Variants in LMX1A observed in about 807,000 individuals in gnomAD.
LMX1A encodes LIM homeobox transcription factor 1-alpha.
A neutral mutation model predicts 49.1 loss-of-function variants in LMX1A; 15 were observed. The ratio of observed to expected loss-of-function variants is 0.31; its 90% CI spans 0.20 to 0.47. LMX1A has a LOEUF of 0.47. Ranked by LOEUF, LMX1A falls within the 20% of genes least tolerant of loss-of-function variation. The pLI is 1.00. For missense variants in LMX1A, 372 were observed against 475.8 expected (o/e 0.78, Z 2.03); for synonymous variants, 167 against 185.7 (o/e 0.90, Z 0.82).
intron 4 of LMX1A, among the ~76,000 whole-genome samples, chr1:165,214,402 C>T (rs551273736): frequency 3.9e-5 from 6 of 152,290 alleles, no homozygotes; most frequent in South Asian, 2.1e-4. Context: ...ACCCAGTCTC[C>T]GGTATGTCTT....
At position 165,355,382 on chromosome 1, in the gene LMX1A, G is replaced by T; in HGVS notation, c.76+102C>A. The T allele has an allele frequency of 1.8e-6, 2 of 1,105,002 alleles. No homozygotes were observed. Among genetic ancestry groups the T allele is most frequent in the Admixed American group, 2.0e-5 (1 of 50,950 alleles). The allele number at this position is 1,105,002 out of a possible 1,614,324, so 68.4% of individuals were successfully genotyped here. ...CTCAATTTAGTGTATGAAGAGGGGC[G>T]CTAGCTTCCCTATCGCGGACCAGGT... On this transcript the variant is annotated intron_variant, in intron 2 of 8. Transcript: ENST00000342310. The surrounding 1 kb of genome is among the most constrained non-coding windows in gnomAD (Gnocchi z 4.7).
At chr1:165,274,139 C>T (rs1413617471) in intron 3 of LMX1A, among the ~76,000 whole-genome samples, 2 of 152,162 alleles carry the variant, frequency 1.3e-5, no homozygotes, top group East Asian at 3.9e-4. Context: ...GGACAGTGCA[C>T]ACCTGCCTGG....
rs149654254 is a variant in LMX1A at position 165,263,635 on chromosome 1, T to C, written c.264-13995A>G. Among the ~76,000 whole-genome samples the C allele has an allele frequency of 7.4e-3, 1,133 of 152,372 alleles. 6 individuals carry two copies. The highest frequency in any genetic ancestry group is 0.017 in the Middle Eastern group (5 of 294). On this transcript the variant is annotated intron_variant, in intron 3 of 8. Transcript: ENST00000342310. ...ACTTGCTTCCTCTTGTCACCTGCTA[T>C]GCTGATCTTGAGCACAACACTCAGG...
chr1:165,295,333 T>A (rs1323527308), intron 3 of LMX1A, among the ~76,000 whole-genome samples: 1 of 151,532 alleles, frequency 6.6e-6, no homozygotes, highest in Non-Finnish European at 1.5e-5. Context: ...AGTAAGATGA[T>A]GGGTAATTTT....
chr1:165,343,486 T>C (rs985969818), intron 3 of LMX1A, among the ~76,000 whole-genome samples: 2 of 152,128 alleles, frequency 1.3e-5, no homozygotes, highest in African/African-American at 4.8e-5. Context: ...TTCAGGTTAA[T>C]TATCTTCTTT....
At chr1:165,212,052 G>C (rs1306026327) in intron 5 of LMX1A, among the ~76,000 whole-genome samples, 1 of 152,218 alleles carries the variant, frequency 6.6e-6, no homozygotes, top group Non-Finnish European at 1.5e-5. Flanking sequence ...AGCCCAATTT[G>C]GGGGCATTTT....
chr1:165,261,312 T>C (rs73029262), intron 3 of LMX1A, among the ~76,000 whole-genome samples: 3,651 of 152,228 alleles, frequency 0.024, 140 homozygotes, highest in African/African-American at 0.084. Context: ...ATCCTTCCAT[T>C]TCAACTCTCC....
intron 4 of LMX1A, among the ~76,000 whole-genome samples, chr1:165,227,073 G>GGGCA (rs1473965600): frequency 5.9e-5 from 9 of 152,164 alleles, no homozygotes; most frequent in Non-Finnish European, 1.3e-4. Flanking sequence ...CAGGGGATCA[G>GGGCA]GGCAGGCTTC....
intron 4 of LMX1A, among the ~76,000 whole-genome samples, chr1:165,244,319 T>C (rs976828936): frequency 6.6e-6 from 1 of 152,196 alleles, no homozygotes; most frequent in Non-Finnish European, 1.5e-5. Flanking sequence ...CTAGAAAATT[T>C]AGTCAACCTG....
chr1:165,265,073 G>A (rs1032097062), intron 3 of LMX1A, among the ~76,000 whole-genome samples: 9 of 151,892 alleles, frequency 5.9e-5, no homozygotes, highest in South Asian at 4.2e-4. Context: ...GCATGGTGGC[G>A]GGCACCTGTA....
chr1:165,345,649 G>A (rs1656219668), intron 3 of LMX1A, among the ~76,000 whole-genome samples: 1 of 152,204 alleles, frequency 6.6e-6, no homozygotes, highest in Non-Finnish European at 1.5e-5. Flanking sequence ...GTGAGGTTAT[G>A]CATACCTGAG....
At chr1:165,234,635 A>T (rs1369134352) in intron 4 of LMX1A, among the ~76,000 whole-genome samples, 1 of 152,206 alleles carries the variant, frequency 6.6e-6, no homozygotes, top group African/African-American at 2.4e-5. Context: ...AGTTAACATC[A>T]ATCAGAGAGT....
rs115345094 is a variant in LMX1A at position 165,315,025 on chromosome 1, C to T, written c.263+38051G>A. 2.4e-3 allele frequency among the ~76,000 whole-genome samples: 368 copies of T among 152,262 alleles called. 4 individuals carry two copies. Among genetic ancestry groups the T allele is most frequent in the African/African-American group, 8.2e-3 (341 of 41,546 alleles). On this transcript the variant is annotated intron_variant, in intron 3 of 8. Transcript: ENST00000342310. ...CCAGACCCTAGGTTAGGTGACTGAT[C>T]AGATACCTATACAAGACAGGACAGT... is the stretch of plus-strand genomic sequence containing the variant.
rs1467916119 is a variant in LMX1A, at chr1:165,213,709, T to C, written c.601A>G (p.Ile201Val). The C allele has an allele frequency of 1.2e-6, 2 of 1,614,138 alleles. No individual in the cohort carries two copies. The highest frequency in any genetic ancestry group is 1.7e-6 in the Non-Finnish European group (2 of 1,180,054). The change falls in exon 5 of 9, where the codon ATC becomes GTC. Residue 201 changes from isoleucine (I) to valine (V), a missense_variant. Ile to Val is a conservative substitution (Grantham distance 29). Around this residue, in one of 3 missense-constraint regions of LMX1A, gnomAD observed 46 missense variants for 93.8 expected, o/e 0.49. Coordinates refer to ENST00000342310, the MANE Select transcript of LMX1A (RefSeq NM_177398.4). The part of the protein sequence containing the change: ...DHKRPKRPRT[I>V]LTTQQRRAFK... ...GCTCGCCTCTGTTGAGTTGTCAAGA[T>C]GGTTCTCGGACGTTTGGGGCGCTTA...
chr1:165,280,410 C>A (rs1347129274), intron 3 of LMX1A, among the ~76,000 whole-genome samples: 1 of 152,126 alleles, frequency 6.6e-6, no homozygotes, highest in Non-Finnish European at 1.5e-5. Flanking sequence ...CTGAAGCCAG[C>A]CTCTTCAGTG....
rs145758920 is a variant in LMX1A at position 165,277,837 on chromosome 1, A to G, written c.264-28197T>C. On this transcript the variant is annotated intron_variant, in intron 3 of 8. Coordinates refer to ENST00000342310, the MANE Select transcript of LMX1A (RefSeq NM_177398.4). ...AGCTTCTTTCATTTTGCTGGGTCAC[A>G]TAAATGAAGAAATAAAGTGGAGTTC... Among the ~76,000 whole-genome samples, 77 of 152,382 alleles carry G rather than the reference A, an allele frequency of 5.1e-4. No individual in the cohort carries two copies. The East Asian group carries it at 0.014, about 28-fold the overall frequency.
At chr1:165,327,723 G>A (rs1655629825) in intron 3 of LMX1A, among the ~76,000 whole-genome samples, 1 of 152,202 alleles carries the variant, frequency 6.6e-6, no homozygotes, top group Non-Finnish European at 1.5e-5. Context: ...ACACCACCCA[G>A]GCACAAAGGG....
chr1:165,355,713 A>C lies in LMX1A; in HGVS notation c.-22-132T>G. 3.0e-6 allele frequency: 2 copies of C among 664,550 alleles called. No homozygotes were observed. Among genetic ancestry groups the C allele is most frequent in the South Asian group, 3.7e-5 (2 of 54,262 alleles). 41.2% of individuals were successfully genotyped at this position (664,550 alleles called of 1,614,324 possible). On this transcript the variant is annotated intron_variant, in intron 1 of 8. Coordinates refer to ENST00000342310, the MANE Select transcript of LMX1A (RefSeq NM_177398.4). This position sits in a 1 kb window ranked among gnomAD's most constrained non-coding sequence, Gnocchi z 4.7. ...AGAATCAGCCAGGAGGATAGGGTCC[A>C]GCCAAGAGAATGTAGGGTGGGAGGA... is the stretch of plus-strand genomic sequence containing the variant.
chr1:165,285,991 G>A (rs10494442), intron 3 of LMX1A, among the ~76,000 whole-genome samples: 23,174 of 152,154 alleles, frequency 0.15, 1,839 homozygotes, highest in African/African-American at 0.21. Flanking sequence ...GGCTTATCGA[G>A]ACTCATAGGC....
Sources: allele counts gnomAD v4.1 joint callset (sites outside exome capture counted in the v4.1 genomes callset), GRCh38; gene constraint gnomAD v4.1.1; regional missense constraint gnomAD v4.1.1; non-coding constraint Gnocchi (gnomAD v3.1); transcripts MANE v1.5; gene names NCBI Gene and HGNC (gene_info 2026-07-23, HGNC 2026-07-21).